The following BRINP3 variants were observed in gnomAD, a reference collection of about 807,000 sequenced individuals.
The protein encoded by BRINP3 is BMP/retinoic acid-inducible neural-specific protein 3.
A neutral mutation model predicts 71.0 loss-of-function variants in BRINP3; 19 were observed. That is an observed-to-expected ratio of 0.27 (90% CI 0.19 to 0.39). The LOEUF is 0.39. Among genes scored for constraint, BRINP3 ranks in the 10% least tolerant of loss-of-function variants. The pLI, the probability that BRINP3 is intolerant of heterozygous loss-of-function variation, is 1.00. For synonymous variants in BRINP3, 380 were observed against 337.7 expected (o/e 1.13, Z -1.37); for missense variants, 959 against 940.8 (o/e 1.02, Z -0.25).
At chr1:190,265,984 T>C (rs1259163331) in intron 3 of BRINP3, among the ~76,000 whole-genome samples, 1 of 152,184 alleles carries the variant, frequency 6.6e-6, no homozygotes, top group Non-Finnish European at 1.5e-5. Flanking sequence ...GTAGTAGCAA[T>C]TGGTTCTCAA....
chr1:190,321,629 T>G (rs1238404705), intron 2 of BRINP3, among the ~76,000 whole-genome samples: 2 of 152,144 alleles, frequency 1.3e-5, no homozygotes, highest in Non-Finnish European at 2.9e-5. Context: ...TTTGACTGAT[T>G]AAACAAATTT....
intron 2 of BRINP3, among the ~76,000 whole-genome samples, chr1:190,420,997 A>G (rs1673341320): frequency 2.6e-5 from 4 of 151,804 alleles, no homozygotes; most frequent in Admixed American, 2.6e-4. Context: ...TTTAGCAAAT[A>G]TAAGAATTGC....
chr1:190,177,874 TA>T (rs1301189866), intron 6 of BRINP3, among the ~76,000 whole-genome samples: 2 of 152,136 alleles, frequency 1.3e-5, no homozygotes, highest in Non-Finnish European at 2.9e-5. Context: ...ATAGAAAATT[TA>T]AAAAATGGTT....
At chr1:190,159,144 G>A (rs529008027) in intron 7 of BRINP3, among the ~76,000 whole-genome samples, 1 of 152,092 alleles carries the variant, frequency 6.6e-6, no homozygotes, top group South Asian at 2.1e-4. Flanking sequence ...TAGTCATTAG[G>A]GAAATTTAAA....
chr1:190,407,164 C>A (rs1672334540), intron 2 of BRINP3, among the ~76,000 whole-genome samples: 1 of 152,246 alleles, frequency 6.6e-6, no homozygotes, highest in Admixed American at 6.5e-5. Flanking sequence ...TATGAAAACA[C>A]AGGCTTAGTA....
chr1:190,128,558 G>C (rs1654273524), intron 7 of BRINP3, among the ~76,000 whole-genome samples: 1 of 151,662 alleles, frequency 6.6e-6, no homozygotes, highest in South Asian at 2.1e-4. Flanking sequence ...ACTTGATCTA[G>C]AATTTAATTT....
At chr1:190,432,591 T>C (rs1357582481) in intron 2 of BRINP3, among the ~76,000 whole-genome samples, 1 of 152,188 alleles carries the variant, frequency 6.6e-6, no homozygotes, top group African/African-American at 2.4e-5. Context: ...TGATACTTTT[T>C]GAACAAGATA....
intron 6 of BRINP3, among the ~76,000 whole-genome samples, chr1:190,215,266 A>G (rs1004788804): frequency 6.6e-6 from 1 of 151,864 alleles, no homozygotes; most frequent in Non-Finnish European, 1.5e-5. Context: ...CTGGATATCA[A>G]TATAAGCTCA....
intron 7 of BRINP3, among the ~76,000 whole-genome samples, chr1:190,101,843 A>G (rs549406242): frequency 1.3e-5 from 2 of 152,316 alleles, no homozygotes; most frequent in African/African-American, 2.4e-5. Context: ...GGCACTGTAG[A>G]AAGAATCATT....
chr1:190,165,299 A>C (rs1358523159), intron 6 of BRINP3, among the ~76,000 whole-genome samples: 1 of 151,986 alleles, frequency 6.6e-6, no homozygotes, highest in Non-Finnish European at 1.5e-5. Context: ...GGAAAATAAT[A>C]AGTGCTCATA....
chr1:190,388,251 C>G (rs1299278674), intron 2 of BRINP3, among the ~76,000 whole-genome samples: 1 of 151,756 alleles, frequency 6.6e-6, no homozygotes, highest in Admixed American at 6.6e-5. Context: ...CCTGCAGCAT[C>G]TGTAGAGAAA....
In BRINP3 at chr1:190,450,287, G is replaced by C. The variant is rs80209499; in HGVS notation, c.236+4368C>G. ...TTAGGGTAAGTGCCACCTTTGTTGA[G>C]GCATTTGGGCTTGCTCATCTGAAGT... On this transcript the variant is annotated intron_variant, in intron 2 of 7. Transcript: ENST00000367462. Among the ~76,000 whole-genome samples the C allele has an allele frequency of 4.2e-3, 646 of 152,198 alleles. 7 individuals are homozygous for C. The highest frequency in any genetic ancestry group is 0.015 in the African/African-American group (616 of 41,540).
chr1:190,396,365 A>G (rs1326256216), intron 2 of BRINP3, among the ~76,000 whole-genome samples: 2 of 151,888 alleles, frequency 1.3e-5, no homozygotes, highest in South Asian at 2.1e-4. Flanking sequence ...GCAAAACACT[A>G]TCATCCTCAG....
At chr1:190,322,878 T>A (rs1666337619) in intron 2 of BRINP3, among the ~76,000 whole-genome samples, 1 of 152,116 alleles carries the variant, frequency 6.6e-6, no homozygotes, top group Non-Finnish European at 1.5e-5. Flanking sequence ...TTTCAAGCAG[T>A]AATGATTTCC....
chr1:190,113,117 A>G (rs1652831249), intron 7 of BRINP3, among the ~76,000 whole-genome samples: 1 of 152,136 alleles, frequency 6.6e-6, no homozygotes, highest in Non-Finnish European at 1.5e-5. Flanking sequence ...ATATGTACAA[A>G]TATTACCAAT....
chr1:190,175,486 T>C (rs778033230), intron 6 of BRINP3, among the ~76,000 whole-genome samples: 1 of 152,138 alleles, frequency 6.6e-6, no homozygotes, highest in African/African-American at 2.4e-5. Context: ...TCCTAAAAAC[T>C]AGACTCTCAA....
intron 5 of BRINP3, among the ~76,000 whole-genome samples, chr1:190,234,157 T>C (rs1293520053): frequency 6.6e-6 from 1 of 152,168 alleles, no homozygotes; most frequent in Non-Finnish European, 1.5e-5. Flanking sequence ...TATAGCTTAG[T>C]TAATTTGAGA....
intron 2 of BRINP3, among the ~76,000 whole-genome samples, chr1:190,400,711 TACTCTATCC>T (rs757582146): frequency 7.2e-5 from 11 of 152,178 alleles, no homozygotes; most frequent in Non-Finnish European, 1.5e-4. Context: ...TTCATTTGTC[TACTCTATCC>T]AGGGAACCCT....
At chr1:190,420,258 A>G (rs1204124843) in intron 2 of BRINP3, among the ~76,000 whole-genome samples, 1 of 152,004 alleles carries the variant, frequency 6.6e-6, no homozygotes. Flanking sequence ...CACACTCACT[A>G]AACAGTCTGT....
Sources: gnomAD v4.1 joint callset for allele counts (sites outside exome capture counted in the v4.1 genomes callset) on GRCh38, gnomAD v4.1.1 for gene constraint, MANE v1.5 for transcripts, NCBI Gene and HGNC (gene_info 2026-07-23, HGNC 2026-07-21) for gene names.